Variants in MRPS6 observed in about 807,000 individuals in gnomAD.
The protein encoded by MRPS6 is mitochondrial ribosomal protein S6, also known as small ribosomal subunit protein bS6m.
A neutral mutation model predicts 13.1 loss-of-function variants in MRPS6; 6 were observed. The observed-to-expected ratio is 0.46, with a 90% CI of 0.25 to 0.91. The LOEUF (loss-of-function observed/expected upper bound fraction) is 0.91, where lower values mean the gene tolerates loss of function less well. Among genes scored for constraint, MRPS6 ranks in the 40% least tolerant of loss-of-function variants. The pLI is 0.18. For synonymous variants in MRPS6, 61 were observed against 56.5 expected (o/e 1.08, Z -0.36); for missense variants, 164 against 155.6 (o/e 1.05, Z -0.29).
At chr21:34,079,475 G>A (rs1174980432) in intron 1 of MRPS6, among the ~76,000 whole-genome samples, 1 of 151,742 alleles carries the variant, frequency 6.6e-6, no homozygotes, top group Non-Finnish European at 1.5e-5. Flanking sequence ...TTGCTGTGTT[G>A]CCTAGGCTGG....
At chr21:34,115,771 A>G (rs1979874425) in intron 1 of MRPS6, among the ~76,000 whole-genome samples, 1 of 152,130 alleles carries the variant, frequency 6.6e-6, no homozygotes, top group African/African-American at 2.4e-5. Context: ...TTGCAAAAGA[A>G]GTTTGTCACT....
intron 1 of MRPS6, chr21:34,104,432 G>A (rs1002194438): frequency 1.0e-6 from 1 of 999,858 alleles, no homozygotes. Flanking sequence ...CTTAAATTTT[G>A]CCCATGTGTT....
chr21:34,133,603 T>G (rs866904786), intron 2 of MRPS6, among the ~76,000 whole-genome samples: 2 of 152,198 alleles, frequency 1.3e-5, no homozygotes, highest in Non-Finnish European at 2.9e-5. Context: ...TTGGACTTCC[T>G]GTGGACTCTC....
chr21:34,119,452 A>G (rs1980044917), intron 1 of MRPS6, among the ~76,000 whole-genome samples: 1 of 152,246 alleles, frequency 6.6e-6, no homozygotes, highest in African/African-American at 2.4e-5. Flanking sequence ...ATTTGGAATT[A>G]AGATTCAGCA....
At chr21:34,117,331 G>A (rs1283086643) in intron 1 of MRPS6, among the ~76,000 whole-genome samples, 1 of 151,976 alleles carries the variant, frequency 6.6e-6, no homozygotes, top group African/African-American at 2.4e-5. Flanking sequence ...ACCCAAAGTG[G>A]CCCTCTTTCC....
chr21:34,078,503 TCA>T (rs1002177547), intron 1 of MRPS6, among the ~76,000 whole-genome samples: 15 of 152,284 alleles, frequency 9.9e-5, no homozygotes, highest in African/African-American at 3.1e-4. Flanking sequence ...AATTCATGAC[TCA>T]CACATTCAAT....
chr21:34,140,354 T>C (rs534962433), intron 2 of MRPS6, among the ~76,000 whole-genome samples: 2 of 152,332 alleles, frequency 1.3e-5, no homozygotes, highest in East Asian at 3.9e-4. Context: ...GTAATTGCCC[T>C]TTTGATTTCT....
At chr21:34,128,658 A>T (rs995506677) in intron 2 of MRPS6, among the ~76,000 whole-genome samples, 1 of 152,224 alleles carries the variant, frequency 6.6e-6, no homozygotes, top group Non-Finnish European at 1.5e-5. Context: ...ATAACTGAGA[A>T]CTTATTTTCC....
At chr21:34,128,328 G>T (rs149527938) in intron 2 of MRPS6, among the ~76,000 whole-genome samples, 89 of 152,238 alleles carry the variant, frequency 5.8e-4, no homozygotes, top group African/African-American at 1.9e-3. Flanking sequence ...TGTGTATTGG[G>T]CAATTGCCTC....
chr21:34,105,024 T>G, intron 1 of MRPS6: 4 of 1,000,138 alleles, frequency 4.0e-6, no homozygotes, highest in Non-Finnish European at 4.8e-6. Flanking sequence ...AACTTTTGAG[T>G]GGCAAACAGA....
intron 1 of MRPS6, among the ~76,000 whole-genome samples, chr21:34,115,346 G>A (rs779069388): frequency 6.6e-6 from 1 of 152,176 alleles, no homozygotes; most frequent in Non-Finnish European, 1.5e-5. Context: ...GAATGGGCAG[G>A]CTCCTGTTTC....
At chr21:34,103,644 AC>A in intron 1 of MRPS6, 1 of 1,000,154 alleles carries the variant, frequency 1.0e-6, no homozygotes, top group African/African-American at 1.7e-5. Context: ...TCTGTATCCC[AC>A]AAGTGCCAGT....
At chr21:34,097,278 G>A (rs555822620) in intron 1 of MRPS6, 4 of 1,613,750 alleles carry the variant, frequency 2.5e-6, no homozygotes, top group Non-Finnish European at 3.4e-6. Flanking sequence ...GACTCGGCAA[G>A]TTAAAGTAAT....
chr21:34,102,900 A>G, intron 1 of MRPS6: 5 of 999,762 alleles, frequency 5.0e-6, no homozygotes, highest in Non-Finnish European at 6.0e-6. Context: ...ACAACCGCAC[A>G]AGTTGGCAGT....
chr21:34,134,731 G>A (rs2123269521), intron 2 of MRPS6, among the ~76,000 whole-genome samples: 1 of 152,188 alleles, frequency 6.6e-6, no homozygotes, highest in African/African-American at 2.4e-5. Context: ...TGATGGTGCA[G>A]AAGTGATTGC....
rs576296219 is a variant in MRPS6 at position 34,138,274 on chromosome 21, G to C, written c.186-4134G>C. Reference sequence around the variant, plus strand: ...TCTTTAGTTTAATTAGATCCCATTGGTCAATTTTGGCTTTTGTTGCCATTG... The same window carrying C: ...TCTTTAGTTTAATTAGATCCCATTGCTCAATTTTGGCTTTTGTTGCCATTG... On this transcript the variant is annotated intron_variant, in intron 2 of 2. Transcript: ENST00000399312. 6.6e-5 allele frequency among the ~76,000 whole-genome samples: 10 copies of C among 152,098 alleles called. No individual in the cohort carries two copies. The East Asian group carries it at 1.7e-3, about 26-fold the overall frequency.
chr21:34,103,119 C>T, intron 1 of MRPS6: 1 of 999,992 alleles, frequency 1.0e-6, no homozygotes, highest in Non-Finnish European at 1.2e-6. Context: ...AGGCTTATTG[C>T]TATTGCAGAA....
intron 1 of MRPS6, among the ~76,000 whole-genome samples, chr21:34,118,918 C>T (rs962633582): frequency 6.6e-6 from 1 of 152,134 alleles, no homozygotes; most frequent in Non-Finnish European, 1.5e-5. Context: ...CTTTACAAAG[C>T]CTATAAAGGT....
At chr21:34,089,190 G>A (rs1038693226) in intron 1 of MRPS6, among the ~76,000 whole-genome samples, 1 of 45,618 alleles carries the variant, frequency 2.2e-5, no homozygotes, top group African/African-American at 8.7e-5. Flanking sequence ...ACCACACCTG[G>A]CTGATTTTTG....
Sources: gnomAD v4.1 joint callset for allele counts (sites outside exome capture counted in the v4.1 genomes callset) on GRCh38, gnomAD v4.1.1 for gene constraint, MANE v1.5 for transcripts, NCBI Gene and HGNC (gene_info 2026-07-23, HGNC 2026-07-21) for gene names.